The following TENM3 variants were observed in gnomAD, a reference collection of about 807,000 sequenced individuals.
The protein encoded by TENM3 is teneurin transmembrane protein 3.
Under a neutral mutation model 255.1 loss-of-function variants are expected in TENM3, and 63 were observed. The observed-to-expected ratio is 0.25, with a 90% CI of 0.20 to 0.30. The LOEUF (loss-of-function observed/expected upper bound fraction) is 0.30. TENM3 is among the 10% of genes least tolerant of loss of function. The pLI, the probability that TENM3 is intolerant of heterozygous loss-of-function variation, is 1.00. For synonymous variants in TENM3, 1,306 were observed against 1,322.3 expected (o/e 0.99, Z 0.27); for missense variants, 2,929 against 3,461.1 (o/e 0.85, Z 3.86).
chr4:182,114,734 A>G, the TENM3 span, among the ~76,000 whole-genome samples: 1 of 152,238 alleles, frequency 6.6e-6, no homozygotes, highest in Non-Finnish European at 1.5e-5. Context: ...AGATAACACT[A>G]GGTTTGTGTT....
At chr4:181,760,776 A>G in the TENM3 span, among the ~76,000 whole-genome samples, 2 of 148,834 alleles carry the variant, frequency 1.3e-5, no homozygotes, top group African/African-American at 5.1e-5. Flanking sequence ...ATGGTTGATG[A>G]TTCTCTCCTC....
the TENM3 span, among the ~76,000 whole-genome samples, chr4:181,639,957 T>C: frequency 1.3e-5 from 2 of 152,204 alleles, no homozygotes; most frequent in Admixed American, 6.5e-5. Flanking sequence ...CAATGCCGTG[T>C]CGCTTTGCCA....
chr4:181,927,195 A>G, the TENM3 span, among the ~76,000 whole-genome samples: 14 of 152,330 alleles, frequency 9.2e-5, no homozygotes, highest in African/African-American at 3.4e-4. Flanking sequence ...GACCGAGTCC[A>G]GGGAGCCAAG....
At chr4:182,756,599 G>C (rs1407892170) in intron 22 of TENM3, among the ~76,000 whole-genome samples, 1 of 152,154 alleles carries the variant, frequency 6.6e-6, no homozygotes. Context: ...ACTTCTTTCT[G>C]TAGGAGCACA....
the TENM3 span, among the ~76,000 whole-genome samples, chr4:181,812,499 G>C: frequency 6.6e-6 from 1 of 152,154 alleles, no homozygotes; most frequent in South Asian, 2.1e-4. Flanking sequence ...CTTTTTAAAA[G>C]ACAACTTTTG....
In TENM3 at chr4:182,598,110, G is replaced by A. The variant is rs187544665; in HGVS notation, c.512-2814G>A. Among the ~76,000 whole-genome samples the A allele has an allele frequency of 9.1e-4, 139 of 152,308 alleles. 1 individual carries two copies. The highest frequency in any genetic ancestry group is 3.2e-3 in the African/African-American group (135 of 41,560). ...GGGATTGATTTTCTTGAGTCCGGGA[G>A]GTCAAGGCTGCAGTGAGCTGTGATT... On this transcript the variant is annotated intron_variant, in intron 3 of 27. Transcript: ENST00000511685.
At chr4:182,114,857 T>C in the TENM3 span, among the ~76,000 whole-genome samples, 1 of 152,202 alleles carries the variant, frequency 6.6e-6, no homozygotes, top group Non-Finnish European at 1.5e-5. Context: ...TCAACTATTT[T>C]ATTTTTTAAA....
the TENM3 span, among the ~76,000 whole-genome samples, chr4:181,846,102 T>A: frequency 6.6e-6 from 1 of 152,208 alleles, no homozygotes; most frequent in Non-Finnish European, 1.5e-5. Flanking sequence ...CATGGTTTTT[T>A]AATATATTTC....
the TENM3 span, among the ~76,000 whole-genome samples, chr4:181,844,333 ACC>A: frequency 7.2e-5 from 11 of 152,126 alleles, no homozygotes; most frequent in Non-Finnish European, 1.3e-4. Flanking sequence ...AGATGAAATG[ACC>A]TTTATTACTG....
chr4:181,464,005 A>G, the TENM3 span, among the ~76,000 whole-genome samples: 1 of 152,186 alleles, frequency 6.6e-6, no homozygotes, highest in Non-Finnish European at 1.5e-5. Flanking sequence ...TTGGCAAACA[A>G]TACTCCACTG....
chr4:182,159,417 G>A (rs1263392915), intron 1 of TENM3, among the ~76,000 whole-genome samples: 1 of 151,510 alleles, frequency 6.6e-6, no homozygotes, highest in Non-Finnish European at 1.5e-5. Flanking sequence ...GTGGAGCCAG[G>A]TGTGCAGTGA....
intron 3 of TENM3, among the ~76,000 whole-genome samples, chr4:182,389,142 A>T (rs1024081596): frequency 1.3e-5 from 2 of 152,192 alleles, no homozygotes; most frequent in East Asian, 3.8e-4. Context: ...TGAAACTGGG[A>T]TGTTTTCCAA....
chr4:181,575,227 G>A, the TENM3 span, among the ~76,000 whole-genome samples: 14 of 151,972 alleles, frequency 9.2e-5, no homozygotes, highest in African/African-American at 3.4e-4. Context: ...AAATTTAGAA[G>A]CTCTACATCT....
At chr4:181,719,154 C>T in the TENM3 span, among the ~76,000 whole-genome samples, 5 of 151,450 alleles carry the variant, frequency 3.3e-5, no homozygotes, top group East Asian at 1.9e-4. Context: ...TGCAGTGAGC[C>T]GAGATCGCGC....
intron 3 of TENM3, among the ~76,000 whole-genome samples, chr4:182,387,095 A>T (rs1314636712): frequency 2.0e-5 from 3 of 152,142 alleles, no homozygotes; most frequent in Non-Finnish European, 4.4e-5. Context: ...TGTTTAGCTC[A>T]AGGTTTGTGA....
chr4:181,666,499 T>C, the TENM3 span, among the ~76,000 whole-genome samples: 155 of 152,248 alleles, frequency 1.0e-3, 2 homozygotes, highest in Non-Finnish European at 1.6e-3. Flanking sequence ...AAAAGCAGAA[T>C]TGGCATTTTT....
intron 3 of TENM3, among the ~76,000 whole-genome samples, chr4:182,599,867 G>C (rs1747657512): frequency 6.6e-6 from 1 of 152,120 alleles, no homozygotes; most frequent in African/African-American, 2.4e-5. Context: ...TTATGTGTGT[G>C]GAACCATATC....
the TENM3 span, among the ~76,000 whole-genome samples, chr4:181,894,575 A>G: frequency 6.6e-6 from 1 of 152,208 alleles, no homozygotes; most frequent in Non-Finnish European, 1.5e-5. Context: ...TCGTATTTAT[A>G]AAGAGAAGAA....
chr4:181,744,905 C>G, the TENM3 span, among the ~76,000 whole-genome samples: 1 of 152,062 alleles, frequency 6.6e-6, no homozygotes, highest in East Asian at 1.9e-4. Flanking sequence ...TTGGACCTGC[C>G]CAGTTTTAGA....
Sources: gnomAD v4.1 joint callset for allele counts (sites outside exome capture counted in the v4.1 genomes callset) on GRCh38, gnomAD v4.1.1 for gene constraint, MANE v1.5 for transcripts, NCBI Gene and HGNC (gene_info 2026-07-23, HGNC 2026-07-21) for gene names.